The following TYW1 variants were observed in gnomAD, a reference collection of about 807,000 sequenced individuals.
The protein encoded by TYW1 is S-adenosyl-L-methionine-dependent tRNA 4-demethylwyosine synthase TYW1.
TYW1 carries 46 observed loss-of-function variants against 96.2 expected under a neutral mutation model. The ratio of observed to expected loss-of-function variants is 0.48; its 90% CI spans 0.38 to 0.61. The LOEUF is 0.61. TYW1 is among the 20% of genes least tolerant of loss of function. The pLI is 0.00. For synonymous variants in TYW1, 274 were observed against 323.0 expected (o/e 0.85, Z 1.63); for missense variants, 684 against 909.6 (o/e 0.75, Z 3.19).
At chr7:67,223,194 G>T (rs1250517043) in intron 15 of TYW1, among the ~76,000 whole-genome samples, 1 of 152,038 alleles carries the variant, frequency 6.6e-6, no homozygotes, top group African/African-American at 2.4e-5. Context: ...AGTTTCTGTT[G>T]GATTTGTAGT....
At chr7:67,146,329 T>TA (rs1475167817) in intron 13 of TYW1, among the ~76,000 whole-genome samples, 1 of 152,176 alleles carries the variant, frequency 6.6e-6, no homozygotes, top group Non-Finnish European at 1.5e-5. Context: ...TAAACAATGT[T>TA]AAAAAGATCT....
At chr7:67,035,377 A>G (rs1367010653) in intron 7 of TYW1, among the ~76,000 whole-genome samples, 1 of 151,964 alleles carries the variant, frequency 6.6e-6, no homozygotes, top group Non-Finnish European at 1.5e-5. Context: ...CGGTCTCCCA[A>G]AGTGTTGGGA....
intron 4 of TYW1, 25 bp from the exon 5 acceptor site, chr7:67,014,342 C>G: frequency 6.4e-7 from 1 of 1,570,684 alleles, no homozygotes; most frequent in South Asian, 1.2e-5. Flanking sequence ...GTATGTTCCA[C>G]TGAAACAATT....
At chr7:67,205,670 T>C (rs1800769891) in intron 15 of TYW1, among the ~76,000 whole-genome samples, 1 of 152,118 alleles carries the variant, frequency 6.6e-6, no homozygotes, top group African/African-American at 2.4e-5. Context: ...ACTCAGTATT[T>C]GCTGACCGGA....
chr7:67,129,759 T>A (rs1255162192), intron 13 of TYW1, among the ~76,000 whole-genome samples: 1 of 152,222 alleles, frequency 6.6e-6, no homozygotes, highest in Non-Finnish European at 1.5e-5. Flanking sequence ...CTTTAAGACC[T>A]AGTAATTTTT....
intron 12 of TYW1, among the ~76,000 whole-genome samples, chr7:67,110,094 C>G (rs1242409645): frequency 6.6e-6 from 1 of 152,130 alleles, no homozygotes; most frequent in African/African-American, 2.4e-5. Context: ...GTGCAAAAAG[C>G]CTTTGGATGT....
chr7:67,152,637 T>G (rs1171824814), intron 13 of TYW1, among the ~76,000 whole-genome samples: 2 of 152,186 alleles, frequency 1.3e-5, no homozygotes, highest in African/African-American at 2.4e-5. Context: ...AGTCTCCCTC[T>G]GTCACCCAGG....
In TYW1 at chr7:67,024,765, A is replaced by C. The variant is rs906448463; in HGVS notation, c.862-135A>C. ...CACTGTGCTCCAGCCTGGGCGACAGAGCGAGACCCTGTCTCAAAGAAAAAA... is the reference window on the plus strand; with the variant it reads ...CACTGTGCTCCAGCCTGGGCGACAGCGCGAGACCCTGTCTCAAAGAAAAAA... On this transcript the variant is annotated intron_variant, in intron 6 of 15. Transcript: ENST00000359626. 52 of 1,362,956 alleles carry C rather than the reference A, an allele frequency of 3.8e-5. No individual in the cohort carries two copies. In the African/African-American group the frequency reaches 7.6e-4, roughly 20 times the overall value. 84.4% of individuals were successfully genotyped at this position (1,362,956 alleles called of 1,614,324 possible).
intron 13 of TYW1, among the ~76,000 whole-genome samples, chr7:67,182,729 G>T (rs1799879072): frequency 6.9e-6 from 1 of 144,762 alleles, no homozygotes; most frequent in African/African-American, 2.7e-5. Flanking sequence ...AACAATTCTT[G>T]TCACTAACAA....
At chr7:67,189,905 T>A (rs1362949962) in intron 14 of TYW1, among the ~76,000 whole-genome samples, 3 of 151,916 alleles carry the variant, frequency 2.0e-5, no homozygotes, top group African/African-American at 7.3e-5. Context: ...AGCCTGAGAA[T>A]CTTCCTTGTC....
At chr7:67,088,644 G>A (rs552304809) in intron 11 of TYW1, among the ~76,000 whole-genome samples, 76 of 152,148 alleles carry the variant, frequency 5.0e-4, no homozygotes, top group Non-Finnish European at 4.7e-4. Flanking sequence ...GCTCACTGCA[G>A]CCTCAACCTC....
chr7:67,077,132 T>C (rs926846005), intron 10 of TYW1, among the ~76,000 whole-genome samples: 2 of 152,218 alleles, frequency 1.3e-5, no homozygotes, highest in Non-Finnish European at 2.9e-5. Context: ...ACATTTCCTT[T>C]ATCCATTTAT....
intron 7 of TYW1, among the ~76,000 whole-genome samples, chr7:67,048,831 A>G (rs1381763271): frequency 6.6e-6 from 1 of 152,230 alleles, no homozygotes; most frequent in Non-Finnish European, 1.5e-5. Context: ...GTTTCAGACC[A>G]GCCTGGCCAA....
intron 15 of TYW1, among the ~76,000 whole-genome samples, chr7:67,203,326 A>G (rs1393818425): frequency 6.6e-6 from 1 of 152,194 alleles, no homozygotes; most frequent in East Asian, 1.9e-4. Flanking sequence ...GTATCATTAT[A>G]TTTGAAGTGT....
At chr7:67,055,111 A>G (rs1795466642) in intron 8 of TYW1, among the ~76,000 whole-genome samples, 1 of 152,090 alleles carries the variant, frequency 6.6e-6, no homozygotes, top group Non-Finnish European at 1.5e-5. Flanking sequence ...CATACCGTTC[A>G]TTTTTATAAA....
At chr7:67,048,287 G>A (rs1795250080) in intron 7 of TYW1, among the ~76,000 whole-genome samples, 1 of 151,056 alleles carries the variant, frequency 6.6e-6, no homozygotes, top group Non-Finnish European at 1.5e-5. Flanking sequence ...TAGAAATGGT[G>A]TTACGGTGAG....
chr7:67,174,485 T>A (rs1477207301), intron 13 of TYW1, among the ~76,000 whole-genome samples: 1 of 146,086 alleles, frequency 6.8e-6, no homozygotes, highest in Non-Finnish European at 1.5e-5. Flanking sequence ...TTTTCAAGAG[T>A]GAAGGAGAAA....
At position 67,067,386 on chromosome 7, in the gene TYW1, A is replaced by G. The variant is rs1165287335; in HGVS notation, c.1257A>G (p.Lys419=). ...ETTPSLACAN[K]CVFCWRHHTN... is the part of the protein sequence containing the mutation. ...CCCCGAGCTTGGCGTGTGCTAATAA[A>G]TGTGTCTTCTGTTGGCGGTAAGTAA... The change falls in exon 10 of 16, where the codon AAA becomes AAG. Residue 419 remains lysine, a synonymous_variant. Transcript: ENST00000359626. 6.2e-7 allele frequency: 1 copy of G among 1,613,818 alleles called. No individual in the cohort carries two copies. The highest frequency in any genetic ancestry group is 8.5e-7 in the Non-Finnish European group (1 of 1,179,860).
intron 4 of TYW1, among the ~76,000 whole-genome samples, chr7:67,013,032 G>A (rs548178897): frequency 6.6e-6 from 1 of 151,686 alleles, no homozygotes; most frequent in Non-Finnish European, 1.5e-5. Context: ...GGTGCCAAGT[G>A]TTAAATTACT....
Sources: allele counts gnomAD v4.1 joint callset (sites outside exome capture counted in the v4.1 genomes callset), GRCh38; gene constraint gnomAD v4.1.1; transcripts MANE v1.5; gene names NCBI Gene and HGNC (gene_info 2026-07-23, HGNC 2026-07-21).